E2F5: variants seen among roughly 807,000 people sequenced by gnomAD.
E2F5 encodes E2F transcription factor 5.
In E2F5, 23 loss-of-function variants were observed where a neutral mutation model predicts 39.1. That is an observed-to-expected ratio of 0.59 (90% CI 0.42 to 0.83). E2F5 has a LOEUF of 0.83. Ranked by LOEUF, E2F5 falls within the 40% of genes least tolerant of loss-of-function variation. The pLI, the probability that E2F5 is intolerant of heterozygous loss-of-function variation, is 0.00. For missense variants in E2F5, 365 were observed against 406.7 expected, an observed-to-expected ratio of 0.90 and a Z score of 0.88; for synonymous variants, 145 against 157.8, an observed-to-expected ratio of 0.92 and a Z score of 0.61.
At chr8:85,202,543 T>A (rs1323403849) in intron 2 of E2F5, among the ~76,000 whole-genome samples, 1 of 152,254 alleles carries the variant, frequency 6.6e-6, no homozygotes, top group Non-Finnish European at 1.5e-5. Context: ...TCTTCCTAAC[T>A]CTTTACCTGT....
At chr8:85,185,509 C>G (rs1272430670) in intron 1 of E2F5, among the ~76,000 whole-genome samples, 1 of 151,956 alleles carries the variant, frequency 6.6e-6, no homozygotes, top group Admixed American at 6.6e-5. Context: ...CAAAATTGAC[C>G]AATAGAATCT....
At chr8:85,202,309 T>C in intron 2 of E2F5, 53 bp downstream of exon 2, 1 of 1,337,104 alleles carries the variant, frequency 7.5e-7, no homozygotes, top group Non-Finnish European at 1.0e-6. Context: ...CTCAGTGCTC[T>C]GTAAAATTTG....
intron 1 of E2F5, among the ~76,000 whole-genome samples, chr8:85,181,656 T>C (rs1214124742): frequency 7.0e-6 from 1 of 141,852 alleles, no homozygotes; most frequent in African/African-American, 2.5e-5. Context: ...CTTAATAATA[T>C]AACTAATTGA....
chr8:85,196,563 G>A (rs1030822330), intron 1 of E2F5, among the ~76,000 whole-genome samples: 3 of 152,098 alleles, frequency 2.0e-5, no homozygotes, highest in Non-Finnish European at 1.5e-5. Flanking sequence ...TATATAACTT[G>A]GAAACTTTTG....
intron 6 of E2F5, among the ~76,000 whole-genome samples, chr8:85,210,630 G>A (rs1008702174): frequency 5.3e-5 from 8 of 150,500 alleles, no homozygotes; most frequent in African/African-American, 2.0e-4. Context: ...GCAGTGAGCC[G>A]AGATCGCACC....
At chr8:85,185,749 T>G (rs1205651586) in intron 1 of E2F5, among the ~76,000 whole-genome samples, 1 of 152,082 alleles carries the variant, frequency 6.6e-6, no homozygotes, top group Non-Finnish European at 1.5e-5. Flanking sequence ...CCAACAAACA[T>G]ATGAAAAAAT....
intron 1 of E2F5, among the ~76,000 whole-genome samples, chr8:85,178,992 A>AT (rs1184308959): frequency 1.3e-5 from 2 of 152,028 alleles, no homozygotes; most frequent in African/African-American, 2.4e-5. Flanking sequence ...TATTCCTGGA[A>AT]TTTTTTTCCC....
intron 1 of E2F5, among the ~76,000 whole-genome samples, chr8:85,181,213 CAAG>C (rs1034691323): frequency 6.6e-6 from 1 of 152,086 alleles, no homozygotes; most frequent in African/African-American, 2.4e-5. Context: ...TATCAAACTT[CAAG>C]TAAAATATCC....
At chr8:85,183,033 C>T (rs1023193208) in intron 1 of E2F5, among the ~76,000 whole-genome samples, 1 of 152,126 alleles carries the variant, frequency 6.6e-6, no homozygotes, top group Non-Finnish European at 1.5e-5. Flanking sequence ...GGGCAGATCA[C>T]GAGGTCGGGA....
At chr8:85,186,507 A>G (rs1003024648) in intron 1 of E2F5, among the ~76,000 whole-genome samples, 1 of 150,678 alleles carries the variant, frequency 6.6e-6, no homozygotes, top group Non-Finnish European at 1.5e-5. Flanking sequence ...AGGTGTGTGT[A>G]TGTGTGTGTG....
chr8:85,205,164 T>C (rs766034132), intron 3 of E2F5, among the ~76,000 whole-genome samples: 3 of 151,798 alleles, frequency 2.0e-5, no homozygotes, highest in Non-Finnish European at 4.4e-5. Context: ...GCTTGGGCGA[T>C]AGAGCAAACT....
chr8:85,213,743 T>A lies in E2F5; in HGVS notation c.932-10T>A, dbSNP rs1813011838. On this transcript the variant is annotated splice_polypyrimidine_tract_variant and intron_variant, in intron 7 of 7. Coordinates refer to ENST00000416274, the MANE Select transcript of E2F5 (RefSeq NM_001951.4). The stretch of plus-strand genomic sequence containing the variant: ...CCATCTTTAACACTAAATTTGTTTT[T>A]TGTTCGCAGTGTTTCCTCTCTTAAG... 6.5e-7 allele frequency: 1 copy of A among 1,545,606 alleles called. No homozygotes were observed. Among genetic ancestry groups the A allele is most frequent in the Non-Finnish European group, 8.9e-7 (1 of 1,121,798 alleles).
At position 85,211,643 on chromosome 8, in the gene E2F5, G is replaced by GTTTTTTT. The variant is rs950695727; in HGVS notation, c.884-492_884-486dup. Among the ~76,000 whole-genome samples the GTTTTTTT allele has an allele frequency of 1.2e-3, 62 of 52,208 alleles. 1 individual carries two copies. The highest frequency in any genetic ancestry group is 2.5e-3 in the African/African-American group (28 of 11,006). 34.3% of individuals were successfully genotyped at this position (52,208 alleles called of 152,430 possible). A position where few individuals can be genotyped will look rare whatever the true frequency, so the allele number is the denominator to read the frequency against. ...TAGAATGATGATGAGGTTTGTTGTT[G>GTTTTTTT]TTTTTTTTTTTTTTTTTTTTTTTTT... is the stretch of plus-strand genomic sequence containing the variant. On this transcript the variant is annotated intron_variant, in intron 6 of 7. Transcript: ENST00000416274.
intron 1 of E2F5, among the ~76,000 whole-genome samples, chr8:85,181,780 C>T (rs1419115916): frequency 6.6e-6 from 1 of 151,106 alleles, no homozygotes; most frequent in Non-Finnish European, 1.5e-5. Context: ...CCCAACATGG[C>T]GAAACCCCGT....
chr8:85,192,488 A>G (rs1429252475), intron 1 of E2F5, among the ~76,000 whole-genome samples: 2 of 152,234 alleles, frequency 1.3e-5, no homozygotes, highest in East Asian at 3.8e-4. Flanking sequence ...AGCAGAGGGC[A>G]GAAGAAAGGG....
In E2F5 at chr8:85,214,502, T is replaced by G; in HGVS notation, c.*640T>G. Reference sequence around the variant, plus strand: ...ATTAACAAGATTTTTAAAAATAAAATTGTATAAAACATTCAATTTATTGGT... The same window carrying G: ...ATTAACAAGATTTTTAAAAATAAAAGTGTATAAAACATTCAATTTATTGGT... On this transcript the variant is annotated 3_prime_UTR_variant, in exon 8 of 8. Transcript: ENST00000416274. 8.6e-7 allele frequency: 1 copy of G among 1,168,248 alleles called. No homozygotes were observed. The allele number at this position is 1,168,248 out of a possible 1,614,324, so 72.4% of individuals were successfully genotyped here.
intron 1 of E2F5, among the ~76,000 whole-genome samples, chr8:85,185,677 C>A (rs915013041): frequency 6.6e-6 from 1 of 152,082 alleles, no homozygotes; most frequent in Non-Finnish European, 1.5e-5. Context: ...TAAAAAACAA[C>A]CCCATCAAAA....
At chr8:85,208,016 T>C (rs913612029) in intron 5 of E2F5, among the ~76,000 whole-genome samples, 1 of 152,166 alleles carries the variant, frequency 6.6e-6, no homozygotes, top group African/African-American at 2.4e-5. Context: ...TGGCCAATAA[T>C]CTATAAAAAT....
chr8:85,207,288 T>C (rs752528748), intron 4 of E2F5, 137 bp from the exon 5 acceptor site: 6 of 631,002 alleles, frequency 9.5e-6, no homozygotes, highest in Admixed American at 3.3e-5. Context: ...CCCCATTTTA[T>C]AGAATTGAAA....
Sources: gnomAD v4.1 joint callset for allele counts (sites outside exome capture counted in the v4.1 genomes callset) on GRCh38, gnomAD v4.1.1 for gene constraint, MANE v1.5 for transcripts, NCBI Gene and HGNC (gene_info 2026-07-23, HGNC 2026-07-21) for gene names.